Variants in CCBE1 observed in about 807,000 individuals in gnomAD.
CCBE1 encodes collagen and calcium-binding EGF domain-containing protein 1.
CCBE1 carries 37 observed loss-of-function variants against 50.0 expected under a neutral mutation model. The ratio of observed to expected loss-of-function variants is 0.74; its 90% confidence interval spans 0.57 to 0.97. The LOEUF (loss-of-function observed/expected upper bound fraction) is 0.97, where lower values mean the gene tolerates loss of function less well. Ranked by LOEUF, CCBE1 falls within the 50% of genes least tolerant of loss-of-function variation. The pLI is 0.00. For synonymous variants in CCBE1, 234 were observed against 203.7 expected (o/e 1.15, Z -1.27); for missense variants, 538 against 523.8 (o/e 1.03, Z -0.26).
intron 2 of CCBE1, among the ~76,000 whole-genome samples, chr18:59,582,680 C>T (rs1053342899): frequency 6.6e-6 from 1 of 152,184 alleles, no homozygotes; most frequent in African/African-American, 2.4e-5. Flanking sequence ...CCCCAGTCCA[C>T]ACCCAACCTC....
At chr18:59,552,713 G>A (rs1599006786) in intron 2 of CCBE1, among the ~76,000 whole-genome samples, 1 of 152,230 alleles carries the variant, frequency 6.6e-6, no homozygotes, top group East Asian at 1.9e-4. Context: ...TTATCATAAT[G>A]TGAAGAGGCA....
chr18:59,463,192 T>C (rs1014000024), intron 5 of CCBE1, among the ~76,000 whole-genome samples: 2 of 152,208 alleles, frequency 1.3e-5, no homozygotes, highest in African/African-American at 4.8e-5. Flanking sequence ...CACCCTAGCC[T>C]GCCCCCAGCC....
intron 2 of CCBE1, among the ~76,000 whole-genome samples, chr18:59,566,499 CTG>C (rs1316759982): frequency 3.3e-5 from 5 of 152,112 alleles, no homozygotes; most frequent in Non-Finnish European, 7.4e-5. Context: ...CATGAAACAA[CTG>C]TAACTTTAAA....
intron 2 of CCBE1, among the ~76,000 whole-genome samples, chr18:59,624,344 C>G (rs1334114934): frequency 6.6e-6 from 1 of 152,126 alleles, no homozygotes. Flanking sequence ...CAAGGGCATA[C>G]TAAAGTTGCA....
chr18:59,534,394 A>AT (rs1244538560), intron 2 of CCBE1, among the ~76,000 whole-genome samples: 1 of 152,260 alleles, frequency 6.6e-6, no homozygotes, highest in Admixed American at 6.5e-5. Flanking sequence ...GTGGGATATT[A>AT]TTAAAAGCAT....
chr18:59,580,459 A>G (rs2144508005), intron 2 of CCBE1, among the ~76,000 whole-genome samples: 1 of 152,212 alleles, frequency 6.6e-6, no homozygotes. Flanking sequence ...TGTCGTCAGG[A>G]CCTCCTGAGG....
chr18:59,686,945 T>C (rs1244830023), intron 2 of CCBE1, among the ~76,000 whole-genome samples: 1 of 152,020 alleles, frequency 6.6e-6, no homozygotes, highest in African/African-American at 2.4e-5. Context: ...AGTGCATTTT[T>C]GTTTGGGGGC....
intron 2 of CCBE1, among the ~76,000 whole-genome samples, chr18:59,534,883 G>T (rs980324868): frequency 3.3e-5 from 5 of 152,206 alleles, no homozygotes; most frequent in Non-Finnish European, 7.3e-5. Context: ...AAGGATAAAA[G>T]TAGTAATAAG....
intron 2 of CCBE1, among the ~76,000 whole-genome samples, chr18:59,575,839 C>T (rs778441488): frequency 5.3e-5 from 8 of 152,150 alleles, no homozygotes; most frequent in Non-Finnish European, 7.3e-5. Context: ...CCTCCCACCT[C>T]GCCAATTTTG....
intron 2 of CCBE1, among the ~76,000 whole-genome samples, chr18:59,667,912 T>C (rs2054377561): frequency 6.6e-6 from 1 of 151,804 alleles, no homozygotes; most frequent in Non-Finnish European, 1.5e-5. Context: ...TCTGTAAAAC[T>C]GGATAAAAAT....
chr18:59,618,672 C>T (rs1599069213), intron 2 of CCBE1, among the ~76,000 whole-genome samples: 1 of 152,122 alleles, frequency 6.6e-6, no homozygotes, highest in East Asian at 1.9e-4. Flanking sequence ...AAGTGATCCA[C>T]CCACCTCAGC....
chr18:59,663,916 G>A (rs1406960347), intron 2 of CCBE1, among the ~76,000 whole-genome samples: 1 of 152,198 alleles, frequency 6.6e-6, no homozygotes, highest in Non-Finnish European at 1.5e-5. Context: ...AAAGGTGGAG[G>A]AGGAACAACA....
intron 5 of CCBE1, 195 bp from the exon 6 acceptor site, chr18:59,455,146 G>A (rs1051578714): frequency 2.4e-5 from 16 of 674,784 alleles, no homozygotes; most frequent in Admixed American, 8.1e-5. Context: ...GAGGACAGAG[G>A]GAGAGGGGCC....
chr18:59,603,625 G>C (rs141820083), intron 2 of CCBE1, among the ~76,000 whole-genome samples: 1 of 152,170 alleles, frequency 6.6e-6, no homozygotes, highest in Non-Finnish European at 1.5e-5. Flanking sequence ...AATCCAGCAA[G>C]AACACAAAAT....
chr18:59,639,690 G>C (rs2053959701), intron 2 of CCBE1, among the ~76,000 whole-genome samples: 1 of 152,158 alleles, frequency 6.6e-6, no homozygotes, highest in South Asian at 2.1e-4. Context: ...TATTAAGAGA[G>C]GTAGTCAAAC....
At chr18:59,641,207 A>G (rs536773008) in intron 2 of CCBE1, among the ~76,000 whole-genome samples, 49 of 149,120 alleles carry the variant, frequency 3.3e-4, no homozygotes, top group African/African-American at 1.2e-3. Flanking sequence ...CATGGAATCA[A>G]CTGAATGCCA....
intron 2 of CCBE1, among the ~76,000 whole-genome samples, chr18:59,560,522 T>C (rs1438865192): frequency 1.3e-5 from 2 of 151,980 alleles, no homozygotes; most frequent in Non-Finnish European, 2.9e-5. Context: ...ACCTAGATGA[T>C]GGGTTGAGGG....
Position 59,499,325 on chromosome 18 carries a change from C to T in CCBE1, c.213-19087G>A, listed in dbSNP as rs114296357. ...ACTTTTGTGGTGGGAGTGATGCTTTCGTGGTGAGGGAAGGGAGGTAGGGGG... is the reference window on the plus strand; with the variant it reads ...ACTTTTGTGGTGGGAGTGATGCTTTTGTGGTGAGGGAAGGGAGGTAGGGGG... On this transcript the variant is annotated intron_variant, in intron 2 of 10. Transcript: ENST00000439986. Among the ~76,000 whole-genome samples the T allele has an allele frequency of 3.1e-3, 470 of 152,132 alleles. 2 individuals carry two copies. Among genetic ancestry groups the T allele is most frequent in the African/African-American group, 0.01 (432 of 41,520 alleles).
chr18:59,490,038 G>C (rs1320258984), intron 2 of CCBE1, among the ~76,000 whole-genome samples: 1 of 142,950 alleles, frequency 7.0e-6, no homozygotes, highest in Non-Finnish European at 1.5e-5. Context: ...CCAGGCTGGA[G>C]TGCAGTGGCG....
Sources: allele counts gnomAD v4.1 joint callset (sites outside exome capture counted in the v4.1 genomes callset), GRCh38; gene constraint gnomAD v4.1.1; transcripts MANE v1.5; gene names NCBI Gene and HGNC (gene_info 2026-07-23, HGNC 2026-07-21).